Variants in ANKRD26 observed in about 807,000 individuals in gnomAD.
The protein encoded by ANKRD26 is ankyrin repeat domain 26.
ANKRD26 carries 141 observed loss-of-function variants against 208.7 expected under a neutral mutation model. That is an observed-to-expected ratio of 0.68 (90% CI 0.59 to 0.78). The LOEUF is 0.78. Ranked by LOEUF, ANKRD26 falls within the 30% of genes least tolerant of loss-of-function variation. ANKRD26 has a pLI of 0.00. For synonymous variants in ANKRD26, 636 were observed against 660.4 expected, an observed-to-expected ratio of 0.96 and a Z score of 0.57; for missense variants, 1,889 against 1,938.7, an observed-to-expected ratio of 0.97 and a Z score of 0.48.
chr10:27,061,305 T>C, intron 12 of ANKRD26, 63 bp from the exon 13 acceptor site: 2 of 1,100,036 alleles, frequency 1.8e-6, no homozygotes, highest in Non-Finnish European at 2.7e-6. Flanking sequence ...AAAAATTTAA[T>C]TGCCACAGAA....
intron 3 of ANKRD26, among the ~76,000 whole-genome samples, 181 bp from the exon 4 acceptor site, chr10:27,092,693 A>T (rs2056339212): frequency 2.0e-5 from 3 of 151,664 alleles, no homozygotes; most frequent in Non-Finnish European, 4.4e-5. Context: ...CATCTCCAAA[A>T]CTCACTTCAA....
At chr10:26,958,089 A>ATT in the ANKRD26 span, among the ~76,000 whole-genome samples, 66 of 150,020 alleles carry the variant, frequency 4.4e-4, no homozygotes, top group Middle Eastern at 3.4e-3. Context: ...ATATATATAT[A>ATT]TATTTATTTT....
At chr10:26,974,842 G>C (rs996905248) in exon 6 of ANKRD26, among the ~76,000 whole-genome samples, 1 of 152,102 alleles carries the variant, frequency 6.6e-6, no homozygotes, top group Non-Finnish European at 1.5e-5. Context: ...ACTTCCTTCT[G>C]GCTTCTATTG....
intron 5 of ANKRD26, among the ~76,000 whole-genome samples, chr10:26,994,635 T>A (rs1003366795): frequency 1.3e-5 from 2 of 152,236 alleles, no homozygotes; most frequent in East Asian, 3.8e-4. Flanking sequence ...AGCTGTAGCA[T>A]CAGCAGATTG....
intron 30 of ANKRD26, among the ~76,000 whole-genome samples, chr10:27,017,201 A>G (rs2053325250): frequency 6.6e-6 from 1 of 152,240 alleles, no homozygotes; most frequent in African/African-American, 2.4e-5. Flanking sequence ...ATTTAAGAAC[A>G]ATTCAAGAAT....
chr10:27,036,503 A>G (rs1165313208), intron 23 of ANKRD26, among the ~76,000 whole-genome samples: 1 of 152,130 alleles, frequency 6.6e-6, no homozygotes. Flanking sequence ...AAATTTGTAG[A>G]GTTCCTCTTG....
At chr10:26,996,731 A>T (rs2052601603) in intron 4 of ANKRD26, among the ~76,000 whole-genome samples, 2 of 152,276 alleles carry the variant, frequency 1.3e-5, no homozygotes, top group South Asian at 4.1e-4. Context: ...ATCTTTAGGA[A>T]TATTTTTCCT....
At chr10:27,001,625 A>T (rs1000619243), downstream of ANKRD26, among the ~76,000 whole-genome samples, 7 of 152,140 alleles carry the variant, frequency 4.6e-5, no homozygotes, top group African/African-American at 1.4e-4. Context: ...CCCCCACCCT[A>T]ATCTTTTATT....
At chr10:26,970,141 AT>A (rs1411334471), downstream of ANKRD26, among the ~76,000 whole-genome samples, 3 of 151,840 alleles carry the variant, frequency 2.0e-5, no homozygotes, top group Non-Finnish European at 4.4e-5. Context: ...GTTAGCTGTT[AT>A]TTTGTTTAAT....
intron 5 of ANKRD26, 45 bp from the exon 6 acceptor site, chr10:27,082,878 A>G: frequency 4.5e-6 from 7 of 1,549,854 alleles, no homozygotes; most frequent in Non-Finnish European, 6.1e-6. Context: ...AACAATAGAA[A>G]AATATATAAA....
intron 12 of ANKRD26, 87 bp downstream of exon 12, chr10:27,063,901 T>C: frequency 1.4e-5 from 15 of 1,094,642 alleles, no homozygotes; most frequent in Non-Finnish European, 2.0e-5. Context: ...TAGGTGATTT[T>C]CTTCGGCTAT....
rs2052257862 is a variant in ANKRD26, at chr10:26,978,366, G to A, written c.*281+2210C>T. ...AGCTACTGGGGAGGCTGAGCTAGGA[G>A]AATCGTTTGAACCCGGGAGGCAGAG... On this transcript the variant is annotated intron_variant and NMD_transcript_variant, in intron 5 of 5. Transcript: ENST00000674670. Among the ~76,000 whole-genome samples, 5 of 152,124 alleles carry A rather than the reference G, an allele frequency of 3.3e-5. No homozygotes were observed. The South Asian group carries it at 1.0e-3, about 32-fold the overall frequency.
At chr10:26,998,327 C>G (rs1384224800) in intron 4 of ANKRD26, among the ~76,000 whole-genome samples, 2 of 152,120 alleles carry the variant, frequency 1.3e-5, no homozygotes, top group Non-Finnish European at 2.9e-5. Context: ...AATCCACAAC[C>G]CTTTGGAACA....
chr10:26,951,798 C>CT, the ANKRD26 span, among the ~76,000 whole-genome samples: 1 of 152,166 alleles, frequency 6.6e-6, no homozygotes, highest in Admixed American at 6.5e-5. Context: ...AGTCATATCT[C>CT]TTATTTTCTA....
chr10:27,077,896 T>C (rs2055757910), intron 7 of ANKRD26, among the ~76,000 whole-genome samples: 1 of 151,602 alleles, frequency 6.6e-6, no homozygotes, highest in African/African-American at 2.4e-5. Context: ...ATGATACAGA[T>C]ATCCTCCAAA....
Position 27,100,429 on chromosome 10 carries a change from C to A in ANKRD26, c.-103G>T, listed in dbSNP as rs2135800362. 1 of 1,519,692 alleles carries A rather than the reference C, an allele frequency of 6.6e-7. No individual in the cohort carries two copies. 94.1% of individuals were successfully genotyped at this position (1,519,692 alleles called of 1,614,324 possible). ...TCAGCCCCGGCTGGCCGCAGCCTCCCAAAGGAAACTCCGCGGTTTCCAATC... is the reference window on the plus strand; with the variant it reads ...TCAGCCCCGGCTGGCCGCAGCCTCCAAAAGGAAACTCCGCGGTTTCCAATC... On this transcript the variant is annotated 5_prime_UTR_variant, in exon 1 of 34. Transcript: ENST00000376087.
chr10:26,988,560 T>G (rs2052428357), downstream of ANKRD26, among the ~76,000 whole-genome samples: 1 of 152,174 alleles, frequency 6.6e-6, no homozygotes. Context: ...AGTCCACGTA[T>G]ATCATGTAGA....
chr10:27,056,776 T>G (rs918449240), intron 15 of ANKRD26, among the ~76,000 whole-genome samples: 3 of 151,930 alleles, frequency 2.0e-5, no homozygotes, highest in Admixed American at 2.0e-4. Flanking sequence ...AAATTCTGTC[T>G]CAAAAAATAA....
In ANKRD26 at chr10:27,039,862, T is replaced by G. The variant is rs776265449; in HGVS notation, c.2375+103A>C. On this transcript the variant is annotated intron_variant, in intron 21 of 33. Transcript: ENST00000376087. The stretch of plus-strand genomic sequence containing the variant: ...TTCACACTCCACAAGACTAAGAAGT[T>G]TTCTTCCCTGCTAAGCCCCAGAAGA... 6 of 1,096,086 alleles carry G rather than the reference T, an allele frequency of 5.5e-6. No individual in the cohort carries two copies. In the African/African-American group the frequency reaches 7.8e-5, roughly 14 times the overall value. The allele number at this position is 1,096,086 out of a possible 1,614,324, so 67.9% of individuals were successfully genotyped here.
Sources: allele counts gnomAD v4.1 joint callset (sites outside exome capture counted in the v4.1 genomes callset), GRCh38; gene constraint gnomAD v4.1.1; transcripts MANE v1.5; gene names NCBI Gene and HGNC (gene_info 2026-07-23, HGNC 2026-07-21).